Variants in RPIA observed in about 807,000 individuals in gnomAD.
RPIA encodes ribose 5-phosphate isomerase A.
RPIA carries 29 observed loss-of-function variants against 37.8 expected under a neutral mutation model. The ratio of observed to expected loss-of-function variants is 0.77; its 90% CI spans 0.57 to 1.05. The LOEUF is 1.05. RPIA is among the 50% of genes least tolerant of loss of function. The pLI is 0.00. For missense variants in RPIA, 385 were observed against 413.6 expected (o/e 0.93, Z 0.60); for synonymous variants, 167 against 157.0 (o/e 1.06, Z -0.48).
intron 8 of RPIA, among the ~76,000 whole-genome samples, chr2:88,745,785 G>A (rs1220845016): frequency 6.6e-6 from 1 of 152,160 alleles, no homozygotes; most frequent in Non-Finnish European, 1.5e-5. Context: ...TGAATTTCCT[G>A]AGTGTTCTTC....
In RPIA at chr2:88,747,622, G is replaced by A. The variant is rs183291783; in HGVS notation, c.839-2359G>A. On this transcript the variant is annotated intron_variant, in intron 8 of 8. Transcript: ENST00000283646. Reference sequence around the variant, plus strand: ...ATGGCTTCCCTGGGCTCAAGCTGGGGACTGGAAGTGTCTACAGGGCTCTTC... The same window carrying A: ...ATGGCTTCCCTGGGCTCAAGCTGGGAACTGGAAGTGTCTACAGGGCTCTTC... Among the ~76,000 whole-genome samples the A allele has an allele frequency of 7.9e-4, 120 of 152,280 alleles. 1 individual carries two copies. Among genetic ancestry groups the A allele is most frequent in the Non-Finnish European group, 1.3e-3 (89 of 68,016 alleles).
chr2:88,742,158 G>A (rs774535247), intron 8 of RPIA, among the ~76,000 whole-genome samples: 1 of 152,178 alleles, frequency 6.6e-6, no homozygotes. Context: ...ATTTTTCAGT[G>A]TTGTCCTCTA....
At chr2:88,742,500 C>G (rs754316526) in intron 8 of RPIA, among the ~76,000 whole-genome samples, 2 of 152,082 alleles carry the variant, frequency 1.3e-5, no homozygotes, top group Non-Finnish European at 2.9e-5. Context: ...CAGATTTGTT[C>G]TTTTTGCTTA....
At chr2:88,714,363 T>G (rs1673006762) in intron 3 of RPIA, among the ~76,000 whole-genome samples, 1 of 151,944 alleles carries the variant, frequency 6.6e-6, no homozygotes, top group Non-Finnish European at 1.5e-5. Context: ...GTAGAGACAG[T>G]GTTTCACCAT....
At chr2:88,728,605 T>A (rs1185229122) in intron 3 of RPIA, among the ~76,000 whole-genome samples, 1 of 152,222 alleles carries the variant, frequency 6.6e-6, no homozygotes, top group Non-Finnish European at 1.5e-5. Flanking sequence ...TTATTCCAGC[T>A]ACGAATCCTG....
At chr2:88,702,490 C>T (rs545759237) in intron 3 of RPIA, among the ~76,000 whole-genome samples, 2 of 133,916 alleles carry the variant, frequency 1.5e-5, no homozygotes, top group African/African-American at 3.4e-5. Flanking sequence ...TCTCGTTTTA[C>T]GTGGATGGCA....
chr2:88,700,164 T>C, intron 3 of RPIA, 100 bp downstream of exon 3: 2 of 1,139,470 alleles, frequency 1.8e-6, no homozygotes, highest in East Asian at 2.3e-5. Context: ...TCAAGGTTGT[T>C]CTAGGTCAGA....
chr2:88,739,410 T>C (rs893884684), intron 8 of RPIA, among the ~76,000 whole-genome samples: 1 of 152,188 alleles, frequency 6.6e-6, no homozygotes, highest in Non-Finnish European at 1.5e-5. Context: ...GCCTACCTTA[T>C]AAGGTTGTTG....
intron 3 of RPIA, among the ~76,000 whole-genome samples, chr2:88,727,096 T>TGTGC (rs1553421576): frequency 4.0e-5 from 6 of 151,012 alleles, no homozygotes; most frequent in African/African-American, 1.5e-4. Context: ...TGTGTGTGTG[T>TGTGC]GCGCGCGCAT....
intron 3 of RPIA, among the ~76,000 whole-genome samples, chr2:88,702,608 A>G (rs1362479889): frequency 6.6e-6 from 1 of 152,230 alleles, no homozygotes; most frequent in African/African-American, 2.4e-5. Flanking sequence ...AACCACGCTC[A>G]TGATTCAATT....
chr2:88,724,668 T>C (rs1292434495), intron 3 of RPIA, among the ~76,000 whole-genome samples: 2 of 152,150 alleles, frequency 1.3e-5, no homozygotes, highest in African/African-American at 4.8e-5. Flanking sequence ...AACAGTTTCA[T>C]GCCCTACTTT....
At position 88,733,563 on chromosome 2, in the gene RPIA, A is replaced by G. The variant is rs553863270; in HGVS notation, c.463-989A>G. Among the ~76,000 whole-genome samples the G allele has an allele frequency of 7.0e-4, 106 of 152,306 alleles. 1 individual carries two copies. The highest frequency in any genetic ancestry group is 7.8e-4 in the Non-Finnish European group (53 of 68,030). On this transcript the variant is annotated intron_variant, in intron 4 of 8. Coordinates refer to ENST00000283646, the MANE Select transcript of RPIA (RefSeq NM_144563.3). ...ACTTTCCATACCCCTGAGAATTGCC[A>G]GAGTGCAGCCTGGCTCTGGGGTTAA...
intron 3 of RPIA, among the ~76,000 whole-genome samples, chr2:88,713,120 A>ATATATATAT (rs1041923467): frequency 2.5e-4 from 16 of 65,288 alleles, no homozygotes; most frequent in African/African-American, 1.0e-3. Flanking sequence ...ATATATATAT[A>ATATATATAT]TTTTTTTTTT....
chr2:88,745,684 A>T (rs766948878), intron 8 of RPIA, among the ~76,000 whole-genome samples: 4 of 152,210 alleles, frequency 2.6e-5, no homozygotes, highest in Non-Finnish European at 4.4e-5. Flanking sequence ...AGGTTACCTA[A>T]TGCTTTTGCC....
At chr2:88,707,450 T>C (rs1488223980) in intron 3 of RPIA, among the ~76,000 whole-genome samples, 4 of 152,210 alleles carry the variant, frequency 2.6e-5, no homozygotes, top group Non-Finnish European at 5.9e-5. Flanking sequence ...GCATTTATAA[T>C]GGAAGTGCAA....
intron 8 of RPIA, among the ~76,000 whole-genome samples, chr2:88,740,696 G>C (rs13408853): frequency 6.6e-6 from 1 of 152,014 alleles, no homozygotes; most frequent in Admixed American, 6.6e-5. Flanking sequence ...ATATTTTATC[G>C]GGGAGTTGGG....
At chr2:88,706,517 G>A (rs1672899816) in intron 3 of RPIA, among the ~76,000 whole-genome samples, 1 of 151,376 alleles carries the variant, frequency 6.6e-6, no homozygotes, top group Admixed American at 6.6e-5. Flanking sequence ...AACACATGGA[G>A]GCAGGGAGGG....
chr2:88,738,990 GCT>G (rs1314269180), intron 8 of RPIA, among the ~76,000 whole-genome samples: 1 of 152,200 alleles, frequency 6.6e-6, no homozygotes, highest in Non-Finnish European at 1.5e-5. Context: ...TTCTAATGCA[GCT>G]GTGCCAGGGA....
intron 2 of RPIA, among the ~76,000 whole-genome samples, chr2:88,699,334 A>T (rs1186069247): frequency 6.6e-6 from 1 of 152,186 alleles, no homozygotes; most frequent in East Asian, 1.9e-4. Flanking sequence ...GTGGCACCCA[A>T]ACCTCCCAAG....
Sources: allele counts gnomAD v4.1 joint callset (sites outside exome capture counted in the v4.1 genomes callset), GRCh38; gene constraint gnomAD v4.1.1; transcripts MANE v1.5; gene names NCBI Gene and HGNC (gene_info 2026-07-23, HGNC 2026-07-21).